Variants in UNC13A observed in about 807,000 individuals in gnomAD.
UNC13A encodes the protein protein unc-13 homolog A.
UNC13A carries 61 observed loss-of-function variants against 219.7 expected under a neutral mutation model. The observed-to-expected ratio is 0.28, with a 90% CI of 0.23 to 0.34. The LOEUF (loss-of-function observed/expected upper bound fraction) is 0.34. UNC13A is among the 10% of genes least tolerant of loss of function. UNC13A has a pLI of 1.00. For synonymous variants in UNC13A, 920 were observed against 884.6 expected, an observed-to-expected ratio of 1.04 and a Z score of -0.71; for missense variants, 1,476 against 2,270.3, an observed-to-expected ratio of 0.65 and a Z score of 7.11.
intron 31 of UNC13A, among the ~76,000 whole-genome samples, chr19:17,628,981 A>G (rs1259356389): frequency 2.6e-5 from 4 of 152,072 alleles, no homozygotes; most frequent in Non-Finnish European, 5.9e-5. Flanking sequence ...ACACACACAC[A>G]CGCAGAGTAT....
In UNC13A at chr19:17,639,327, G is replaced by A. The variant is rs1599362988; in HGVS notation, c.2946+109C>T. Reference sequence around the variant, plus strand: ...GAAATGAAGTGGTATGAAAGGAAAAGGTTACTGAGAAAGGCTGCCACTCTC... The same window carrying A: ...GAAATGAAGTGGTATGAAAGGAAAAAGTTACTGAGAAAGGCTGCCACTCTC... On this transcript the variant is annotated intron_variant, in intron 24 of 43. Coordinates refer to ENST00000519716, the MANE Select transcript of UNC13A (RefSeq NM_001080421.3). 4 of 1,572,072 alleles carry A rather than the reference G, an allele frequency of 2.5e-6. No individual in the cohort carries two copies. In the East Asian group the frequency reaches 6.8e-5, roughly 27 times the overall value.
rs929029246 is a variant in UNC13A at position 17,663,416 on chromosome 19, C to T, written c.559+116G>A. On this transcript the variant is annotated intron_variant, in intron 8 of 43. Coordinates refer to ENST00000519716, the MANE Select transcript of UNC13A (RefSeq NM_001080421.3). The stretch of plus-strand genomic sequence containing the variant: ...GTCTTGCTGAGCCCTCTGGCCCCCA[C>T]GTGCTCGTCACAGGCTCCTTGCTTC... 31 of 1,184,206 alleles carry T rather than the reference C, an allele frequency of 2.6e-5. No homozygotes were observed. The African/African-American group carries it at 3.0e-4, about 12-fold the overall frequency. The allele number at this position is 1,184,206 out of a possible 1,614,324, so 73.4% of individuals were successfully genotyped here.
At chr19:17,675,036 C>G (rs2079870106) in intron 2 of UNC13A, among the ~76,000 whole-genome samples, 1 of 152,176 alleles carries the variant, frequency 6.6e-6, no homozygotes, top group Admixed American at 6.5e-5. Flanking sequence ...TGTAAGAAAC[C>G]CCCTTTGCAG....
At position 17,611,770 on chromosome 19, in the gene UNC13A, T is replaced by G; in HGVS notation, c.4644A>C (p.Thr1548=). 2 of 1,614,094 alleles carry G rather than the reference T, an allele frequency of 1.2e-6. No homozygotes were observed. ...CCACCTCAGACCACTCACCTTTCAC[T>G]GTGACCTTGTGTTCCCCAGTTCCTG... The part of the protein sequence containing the change: ...THPGTGEHKV[T]VKVVAANDLK... Residue 1548 remains threonine (T), a synonymous_variant, in exon 42 of 44, where the codon ACA becomes ACC. Transcript: ENST00000519716.
At position 17,629,234 on chromosome 19, in the gene UNC13A, G is replaced by T; in HGVS notation, c.3753+6C>A. 1 of 1,605,424 alleles carries T rather than the reference G, an allele frequency of 6.2e-7. No homozygotes were observed. Reference sequence around the variant, plus strand: ...GGGAGATAGGTCAGGGGCCCCCTCAGGTCACCACTTTCTCCTTCTCCTTGG... The same window carrying T: ...GGGAGATAGGTCAGGGGCCCCCTCATGTCACCACTTTCTCCTTCTCCTTGG... On this transcript the variant is annotated splice_donor_region_variant and intron_variant, in intron 31 of 43. Transcript: ENST00000519716.
chr19:17,648,783 CTGCCTTCTGCCAGTCTG>C (rs2079291207), intron 15 of UNC13A, 112 bp downstream of exon 15: 13 of 1,480,668 alleles, frequency 8.8e-6, no homozygotes, highest in South Asian at 3.6e-5. Context: ...GGAATCCACG[CTGCCTTCTGCCAGTCTG>C]TGTCACACAC....
intron 38 of UNC13A, among the ~76,000 whole-genome samples, chr19:17,620,112 C>G (rs1223656854): frequency 2.0e-5 from 3 of 152,122 alleles, no homozygotes; most frequent in Non-Finnish European, 4.4e-5. Flanking sequence ...CAGGCTTGTC[C>G]CTGAATGCTC....
At chr19:17,677,229 G>A (rs1378236298) in intron 1 of UNC13A, among the ~76,000 whole-genome samples, 2 of 151,950 alleles carry the variant, frequency 1.3e-5, no homozygotes, top group African/African-American at 4.8e-5. Flanking sequence ...CAGGTATTCA[G>A]TTTCCATTGC....
chr19:17,611,949 G>A (rs55962550), intron 41 of UNC13A, 94 bp from the exon 42 acceptor site: 64,964 of 1,094,428 alleles, frequency 0.059, 2,323 homozygotes, highest in South Asian at 0.12. Context: ...CTGTGCTGGC[G>A]GCACCAGGTC....
chr19:17,648,358 G>T (rs2145069588), intron 16 of UNC13A, 73 bp downstream of exon 16: 1 of 996,540 alleles, frequency 1.0e-6, no homozygotes, highest in Non-Finnish European at 1.2e-6. Flanking sequence ...TTGCCCTTCA[G>T]CCTTTCCCCG....
chr19:17,674,417 C>T lies in UNC13A; in HGVS notation c.152+240G>A, dbSNP rs1326964571. 6.6e-6 allele frequency among the ~76,000 whole-genome samples: 1 copy of T among 152,146 alleles called. No individual in the cohort carries two copies. Among genetic ancestry groups the T allele is most frequent in the African/African-American group, 2.4e-5 (1 of 41,436 alleles). ...AGAACAGATTGTAGGAGGTGGATGG[C>T]ACAGGAGGCCAGGGCGGAGGCTGGC... On this transcript the variant is annotated intron_variant, in intron 3 of 43. Transcript: ENST00000519716. This position sits in a 1 kb window ranked among gnomAD's most constrained non-coding sequence, Gnocchi z 5.0.
In UNC13A at chr19:17,674,453, G is replaced by T. The variant is rs2079857404; in HGVS notation, c.152+204C>A. ...AGGGCGGAGGCTGGCGGGCAGCAGG[G>T]ACTTGGCTGGTGGCTGCGGAGACCA... On this transcript the variant is annotated intron_variant, in intron 3 of 43. Coordinates refer to ENST00000519716, the MANE Select transcript of UNC13A (RefSeq NM_001080421.3). The surrounding 1 kb of genome is among the most constrained non-coding windows in gnomAD (Gnocchi z 5.0). 6.6e-6 allele frequency among the ~76,000 whole-genome samples: 1 copy of T among 152,190 alleles called. No homozygotes were observed. The highest frequency in any genetic ancestry group is 2.4e-5 in the African/African-American group (1 of 41,436).
Position 17,674,876 on chromosome 19 carries a change from C to T in UNC13A, c.53-120G>A, listed in dbSNP as rs1480259532. On this transcript the variant is annotated intron_variant, in intron 2 of 43. Coordinates refer to ENST00000519716, the MANE Select transcript of UNC13A (RefSeq NM_001080421.3). The surrounding 1 kb of genome is among the most constrained non-coding windows in gnomAD (Gnocchi z 5.0). The stretch of plus-strand genomic sequence containing the variant: ...ATTTCTGGGCCACTCACCCCCTAAC[C>T]CACAACCCCACCCTCAGGGCACAAG... 2.6e-6 allele frequency: 2 copies of T among 770,012 alleles called. No individual in the cohort carries two copies. The highest frequency in any genetic ancestry group is 3.4e-5 in the African/African-American group (2 of 58,416). 47.7% of individuals were successfully genotyped at this position (770,012 alleles called of 1,614,324 possible). A position where few individuals can be genotyped will look rare whatever the true frequency, so the allele number is the denominator to read the frequency against.
chr19:17,633,223 G>C, intron 26 of UNC13A, 30 bp from the exon 27 acceptor site: 1 of 1,610,592 alleles, frequency 6.2e-7, no homozygotes, highest in Non-Finnish European at 8.5e-7. Flanking sequence ...ATAAAACTTT[G>C]GCAGGCAGAA....
In UNC13A at chr19:17,656,246, G is replaced by A. The variant is rs371580609; in HGVS notation, c.920C>T (p.Ser307Leu). 4.5e-6 allele frequency: 7 copies of A among 1,551,976 alleles called. No homozygotes were observed. The highest frequency in any genetic ancestry group is 1.7e-4 in the Middle Eastern group (1 of 6,016). ...DRDSYHSCHS[S>L]VSYHKDSPRW... ...AGGCGAGTCTTTGTGGTAGCTGACC[G>A]AGCTGTGGCAGGAGTGGTAGGAGTC... Residue 307 changes from serine to leucine, a missense_variant, in exon 10 of 44, where the codon TCG (serine) becomes TTG (leucine). This residue lies in a region of UNC13A where 351 missense variants were observed against 342.6 expected (regional missense o/e 1.02). Coordinates refer to ENST00000519716, the MANE Select transcript of UNC13A (RefSeq NM_001080421.3).
Position 17,666,723 on chromosome 19 carries a change from G to A in UNC13A, c.469-19C>T. 6.6e-7 allele frequency: 1 copy of A among 1,504,976 alleles called. No individual in the cohort carries two copies. The highest frequency in any genetic ancestry group is 8.9e-7 in the Non-Finnish European group (1 of 1,124,260). The allele number at this position is 1,504,976 out of a possible 1,614,324, so 93.2% of individuals were successfully genotyped here. Reference sequence around the variant, plus strand: ...ACGAATACTGAAGGGGTGGAGGAAGGAGAAAGGGCTTCTCTCAGAGGGGCC... The same window carrying A: ...ACGAATACTGAAGGGGTGGAGGAAGAAGAAAGGGCTTCTCTCAGAGGGGCC... On this transcript the variant is annotated intron_variant, in intron 6 of 43. Transcript: ENST00000519716.
chr19:17,649,653 A>G lies in UNC13A; in HGVS notation c.1440-66T>C. ...ATTCCTCACATAGAGCCCTGGGGAGAACATTCAACCTCCCCCAGGTGTTAA... is the reference window on the plus strand; with the variant it reads ...ATTCCTCACATAGAGCCCTGGGGAGGACATTCAACCTCCCCCAGGTGTTAA... On this transcript the variant is annotated intron_variant, in intron 12 of 43. Coordinates refer to ENST00000519716, the MANE Select transcript of UNC13A (RefSeq NM_001080421.3). The surrounding 1 kb of genome is among the most constrained non-coding windows in gnomAD (Gnocchi z 4.4). 6.4e-7 allele frequency: 1 copy of G among 1,569,858 alleles called. No individual in the cohort carries two copies. The highest frequency in any genetic ancestry group is 8.8e-7 in the Non-Finnish European group (1 of 1,141,016).
intron 1 of UNC13A, among the ~76,000 whole-genome samples, chr19:17,686,734 G>T (rs1024527244): frequency 3.3e-5 from 5 of 151,946 alleles, no homozygotes; most frequent in African/African-American, 9.7e-5. Flanking sequence ...CGTCCACGCC[G>T]GCCCAGCCCG....
chr19:17,611,104 C>A (rs1443582257), intron 42 of UNC13A, among the ~76,000 whole-genome samples: 4 of 152,192 alleles, frequency 2.6e-5, no homozygotes, highest in Non-Finnish European at 5.9e-5. Flanking sequence ...CAGCACAGAT[C>A]ACCAACACTG....
Sources: allele counts gnomAD v4.1 joint callset (sites outside exome capture counted in the v4.1 genomes callset), GRCh38; gene constraint gnomAD v4.1.1; regional missense constraint gnomAD v4.1.1; non-coding constraint Gnocchi (gnomAD v3.1); transcripts MANE v1.5; gene names NCBI Gene and HGNC (gene_info 2026-07-23, HGNC 2026-07-21).